STAC2: variants seen among roughly 807,000 people sequenced by gnomAD.
STAC2 encodes SH3 and cysteine rich domain 2.
In STAC2, 36 loss-of-function variants were observed where a neutral mutation model predicts 49.0. The ratio of observed to expected loss-of-function variants is 0.74; its 90% confidence interval spans 0.56 to 0.97. The LOEUF (loss-of-function observed/expected upper bound fraction) is 0.97, where lower values mean the gene tolerates loss of function less well. Among genes scored for constraint, STAC2 ranks in the 50% least tolerant of loss-of-function variants. The pLI is 0.00. For missense variants in STAC2, 527 were observed against 543.8 expected (o/e 0.97, Z 0.31); for synonymous variants, 239 against 214.7 (o/e 1.11, Z -0.99).
Position 39,213,137 on chromosome 17 carries a change from G to T in STAC2, c.994-5C>A. 1 of 1,605,504 alleles carries T rather than the reference G, an allele frequency of 6.2e-7. No homozygotes were observed. The highest frequency in any genetic ancestry group is 8.5e-7 in the Non-Finnish European group (1 of 1,179,974). ...AACCCGGTCGCCGATCTTGCCCTGG[G>T]GATGAGGTTGGCAATGAACACCCGC... On this transcript the variant is annotated splice_region_variant and splice_polypyrimidine_tract_variant and intron_variant, in intron 9 of 10. Transcript: ENST00000333461.
chr17:39,218,752 G>GAA (rs11390252), intron 1 of STAC2, among the ~76,000 whole-genome samples: 1,497 of 146,286 alleles, frequency 0.01, 21 homozygotes, highest in African/African-American at 0.035. Flanking sequence ...CTCAAGTTTA[G>GAA]AAAAAAAAAA....
At chr17:39,220,843 C>T (rs2046455123) in intron 1 of STAC2, among the ~76,000 whole-genome samples, 1 of 152,056 alleles carries the variant, frequency 6.6e-6, no homozygotes, top group Non-Finnish European at 1.5e-5. Context: ...GTCGCCCAGG[C>T]TGGAGTGCAG....
chr17:39,218,576 T>C (rs1474100091), intron 1 of STAC2, among the ~76,000 whole-genome samples: 1 of 152,210 alleles, frequency 6.6e-6, no homozygotes, highest in African/African-American at 2.4e-5. Flanking sequence ...GTTTAAGTGG[T>C]TTAATTCCAT....
intron 8 of STAC2, 81 bp from the exon 9 acceptor site, chr17:39,213,639 G>T: frequency 7.5e-7 from 1 of 1,333,750 alleles, no homozygotes; most frequent in Non-Finnish European, 1.1e-6. Flanking sequence ...GGCACCTGGG[G>T]GACACTGCAG....
At chr17:39,218,253 C>T (rs566704793) in intron 1 of STAC2, 80 bp from the exon 2 acceptor site, 28 of 1,460,606 alleles carry the variant, frequency 1.9e-5, no homozygotes, top group Admixed American at 7.0e-5. Context: ...GTGTCTCTGG[C>T]GGTAGGGGCG....
Position 39,225,532 on chromosome 17 carries a change from G to A in STAC2, c.-30C>T, listed in dbSNP as rs2046505418. 3 of 1,600,770 alleles carry A rather than the reference G, an allele frequency of 1.9e-6. No homozygotes were observed. The highest frequency in any genetic ancestry group is 2.7e-5 in the African/African-American group (2 of 74,172). ...CGGGGAGAGGGGAGGAGAGGGTGCC[G>A]AGATCCGACGGCAGGCCCACCGCGG... On this transcript the variant is annotated 5_prime_UTR_variant, in exon 1 of 11. Coordinates refer to ENST00000333461, the MANE Select transcript of STAC2 (RefSeq NM_198993.5). The surrounding 1 kb of genome is among the most constrained non-coding windows in gnomAD (Gnocchi z 8.2).
At chr17:39,217,311 G>A (rs1267833071) in intron 2 of STAC2, 138 bp from the exon 3 acceptor site, 1 of 771,270 alleles carries the variant, frequency 1.3e-6, no homozygotes, top group East Asian at 2.7e-5. Flanking sequence ...CCCTCACACA[G>A]TCAGGGTATG....
rs1452383578 is a variant in STAC2 at position 39,225,481 on chromosome 17, C to T, written c.22G>A (p.Glu8Lys). 6.2e-7 allele frequency: 1 copy of T among 1,610,606 alleles called. No homozygotes were observed. The highest frequency in any genetic ancestry group is 8.5e-7 in the Non-Finnish European group (1 of 1,178,848). ...GTGGCCGCGTCATCCGGTTCGTTCT[C>T]CTTCTCGCTCATCTCGGTCATGGTT... MTEMSEKENEPDDAATHS... is the reference protein window; with the variant it reads MTEMSEKKNEPDDAATHS... The change falls in exon 1 of 11, where the codon GAG (glutamate) becomes AAG (lysine). Residue 8 changes from glutamate (E) to lysine (K), a missense_variant. Coordinates refer to ENST00000333461, the MANE Select transcript of STAC2 (RefSeq NM_198993.5). This position sits in a 1 kb window ranked among gnomAD's most constrained non-coding sequence, Gnocchi z 8.2.
rs2144269052 is a variant in STAC2, at chr17:39,225,300, T to A, written c.90+113A>T. ...CGGGAGCGGCGCGGAGCCTCAGTGG[T>A]CACGCGGGCCTCGCGACCGCGACCC... is the stretch of plus-strand genomic sequence containing the variant. On this transcript the variant is annotated intron_variant, in intron 1 of 10. Transcript: ENST00000333461. The surrounding 1 kb of genome is among the most constrained non-coding windows in gnomAD (Gnocchi z 8.2). 1.2e-6 allele frequency: 1 copy of A among 844,362 alleles called. No individual in the cohort carries two copies. Among genetic ancestry groups the A allele is most frequent in the African/African-American group, 1.8e-5 (1 of 54,468 alleles). The allele number at this position is 844,362 out of a possible 1,614,324, so 52.3% of individuals were successfully genotyped here.
At chr17:39,218,372 A>G (rs776083586) in intron 1 of STAC2, among the ~76,000 whole-genome samples, 199 bp from the exon 2 acceptor site, 16 of 152,142 alleles carry the variant, frequency 1.1e-4, no homozygotes, top group Non-Finnish European at 2.1e-4. Context: ...CAGGTGCCAC[A>G]AAAGCCAGGT....
chr17:39,218,235 C>G, intron 1 of STAC2, 62 bp from the exon 2 acceptor site: 1 of 1,575,414 alleles, frequency 6.3e-7, no homozygotes, highest in Non-Finnish European at 8.7e-7. Context: ...GGCGGGCTTC[C>G]CTTCAGGGTG....
At chr17:39,218,831 C>T (rs2046434612) in intron 1 of STAC2, among the ~76,000 whole-genome samples, 1 of 151,994 alleles carries the variant, frequency 6.6e-6, no homozygotes, top group South Asian at 2.1e-4. Flanking sequence ...GAGGGAATCG[C>T]TTGAGCCAAG....
intron 1 of STAC2, among the ~76,000 whole-genome samples, chr17:39,220,039 G>C (rs1369882718): frequency 2.0e-5 from 3 of 152,350 alleles, no homozygotes; most frequent in African/African-American, 7.2e-5. Context: ...CACAAGGCAG[G>C]CTCTGGTGTG....
intron 1 of STAC2, among the ~76,000 whole-genome samples, chr17:39,224,947 G>A (rs2046497521): frequency 6.6e-6 from 1 of 152,206 alleles, no homozygotes; most frequent in Admixed American, 6.5e-5. Context: ...GAGACGCCGG[G>A]AGAGACGGGG....
intron 8 of STAC2, 44 bp from the exon 9 acceptor site, chr17:39,213,602 T>C (rs1332202141): frequency 1.3e-6 from 2 of 1,596,164 alleles, no homozygotes; most frequent in South Asian, 1.1e-5. Context: ...CAGGGAGTAG[T>C]GCCCCTCCCC....
Position 39,225,751 on chromosome 17 carries a change from C to T in STAC2, c.-249G>A. 1.9e-6 allele frequency: 1 copy of T among 538,876 alleles called. No individual in the cohort carries two copies. Among genetic ancestry groups the T allele is most frequent in the Non-Finnish European group, 3.3e-6 (1 of 303,546 alleles). 33.4% of individuals were successfully genotyped at this position (538,876 alleles called of 1,614,324 possible). On this transcript the variant is annotated 5_prime_UTR_variant, in exon 1 of 11. Transcript: ENST00000333461. This position sits in a 1 kb window ranked among gnomAD's most constrained non-coding sequence, Gnocchi z 8.2. The stretch of plus-strand genomic sequence containing the variant: ...CCCGGGCGCGAGGACCGAGGGTCTG[C>T]AGAGGATGCTGCTCGCAGCGCGGGG...
chr17:39,215,074 C>T (rs2046390041), intron 5 of STAC2, 44 bp downstream of exon 5: 1 of 1,614,058 alleles, frequency 6.2e-7, no homozygotes, highest in Non-Finnish European at 8.5e-7. Context: ...CTGTCATGCT[C>T]AGACACCCCT....
In STAC2 at chr17:39,218,100, C is replaced by T. The variant is rs545207979; in HGVS notation, c.164G>A (p.Arg55His). The change falls in exon 2 of 11, where the codon CGC (arginine) becomes CAC (histidine). Residue 55 changes from arginine to histidine, a missense_variant. Arg to His is a conservative substitution (Grantham distance 29, BLOSUM62 0). Coordinates refer to ENST00000333461, the MANE Select transcript of STAC2 (RefSeq NM_198993.5). ...GGGGCACTTGAGCTCAGAGCCCGAG[C>T]GAAGGAAGAAGTTCTCCAAGCTCTT... Reference protein sequence around the residue: ...RSKSLENFFLRSGSELKCPTE... With the variant: ...RSKSLENFFLHSGSELKCPTE... 8.2e-5 allele frequency: 132 copies of T among 1,613,114 alleles called. 1 individual carries two copies. Among genetic ancestry groups the T allele is most frequent in the Non-Finnish European group, 1.1e-4 (124 of 1,180,018 alleles).
chr17:39,214,648 T>C, intron 7 of STAC2, 143 bp downstream of exon 7: 2 of 1,170,602 alleles, frequency 1.7e-6, no homozygotes, highest in Non-Finnish European at 2.4e-6. Flanking sequence ...CCTCTCATCC[T>C]GGCATTGCCC....
Sources: allele counts gnomAD v4.1 joint callset (sites outside exome capture counted in the v4.1 genomes callset), GRCh38; gene constraint gnomAD v4.1.1; non-coding constraint Gnocchi (gnomAD v3.1); transcripts MANE v1.5; gene names NCBI Gene and HGNC (gene_info 2026-07-23, HGNC 2026-07-21).